Variants in PELI1 observed in about 807,000 individuals in gnomAD.
The protein encoded by PELI1 is pellino E3 ubiquitin protein ligase 1.
Under a neutral mutation model 41.3 loss-of-function variants are expected in PELI1, and 15 were observed. The ratio of observed to expected loss-of-function variants is 0.36; its 90% CI spans 0.24 to 0.56. The LOEUF (loss-of-function observed/expected upper bound fraction) is 0.56, where lower values mean the gene tolerates loss of function less well. Among genes scored for constraint, PELI1 ranks in the 20% least tolerant of loss-of-function variants. PELI1 has a pLI of 0.82. For synonymous variants in PELI1, 178 were observed against 180.1 expected (o/e 0.99, Z 0.09); for missense variants, 403 against 525.5 (o/e 0.77, Z 2.28).
chr2:64,107,225 C>T (rs1023511367), intron 2 of PELI1, among the ~76,000 whole-genome samples: 1 of 152,176 alleles, frequency 6.6e-6, no homozygotes, highest in South Asian at 2.1e-4. Context: ...AGCTACTGCA[C>T]CTGGCCTAAA....
chr2:64,119,898 TA>T (rs199552817), intron 1 of PELI1, among the ~76,000 whole-genome samples: 319 of 151,980 alleles, frequency 2.1e-3, no homozygotes, highest in African/African-American at 7.3e-3. Flanking sequence ...ACACTCCATT[TA>T]AAAAAAACAC....
chr2:64,105,791 C>T (rs1231369769), intron 2 of PELI1, among the ~76,000 whole-genome samples: 3 of 152,150 alleles, frequency 2.0e-5, no homozygotes, highest in Admixed American at 6.5e-5. Context: ...ATTCACCGTC[C>T]ACCTCCCCTG....
At chr2:64,120,823 G>T (rs1681183848) in intron 1 of PELI1, among the ~76,000 whole-genome samples, 1 of 152,166 alleles carries the variant, frequency 6.6e-6, no homozygotes, top group South Asian at 2.1e-4. Context: ...TTTTGGTGGT[G>T]CTAAGTTTAT....
chr2:64,103,284 G>A (rs1243635927), intron 3 of PELI1, among the ~76,000 whole-genome samples: 8 of 152,320 alleles, frequency 5.3e-5, no homozygotes, highest in Admixed American at 1.3e-4. Context: ...GCAGGGATTA[G>A]AAATATTTTC....
At chr2:64,125,716 G>C (rs1340913457) in intron 1 of PELI1, among the ~76,000 whole-genome samples, 1 of 152,190 alleles carries the variant, frequency 6.6e-6, no homozygotes, top group African/African-American at 2.4e-5. Context: ...TAGGTTAACA[G>C]ATGATGATAT....
intron 5 of PELI1, 25 bp from the exon 6 acceptor site, chr2:64,096,338 T>G: frequency 6.2e-7 from 1 of 1,607,196 alleles, no homozygotes; most frequent in Non-Finnish European, 8.5e-7. Context: ...AGCAGTGAGC[T>G]TCCAACTTGT....
intron 1 of PELI1, among the ~76,000 whole-genome samples, chr2:64,110,330 T>C (rs1680771568): frequency 6.7e-6 from 1 of 150,206 alleles, no homozygotes; most frequent in Non-Finnish European, 1.5e-5. Flanking sequence ...ACAATTAGAC[T>C]GACAGTGGAG....
intron 2 of PELI1, among the ~76,000 whole-genome samples, chr2:64,105,791 C>A (rs1231369769): frequency 6.6e-6 from 1 of 152,150 alleles, no homozygotes; most frequent in Non-Finnish European, 1.5e-5. Context: ...ATTCACCGTC[C>A]ACCTCCCCTG....
chr2:64,121,668 G>A (rs908257549), intron 1 of PELI1, among the ~76,000 whole-genome samples: 2 of 152,186 alleles, frequency 1.3e-5, no homozygotes, highest in Admixed American at 1.3e-4. Context: ...CACTTTGGAA[G>A]GCCAAGGCAG....
chr2:64,142,698 G>A (rs900182859), intron 1 of PELI1, among the ~76,000 whole-genome samples: 1 of 152,078 alleles, frequency 6.6e-6, no homozygotes, highest in South Asian at 2.1e-4. Context: ...TAAAGAAAAC[G>A]CATCGTAAAC....
intron 1 of PELI1, among the ~76,000 whole-genome samples, chr2:64,134,824 A>G (rs1174436802): frequency 6.6e-6 from 1 of 152,142 alleles, no homozygotes; most frequent in Non-Finnish European, 1.5e-5. Flanking sequence ...GTTTTGAAAA[A>G]CCAACAAAGC....
At chr2:64,099,335 A>C (rs765747325) in intron 4 of PELI1, among the ~76,000 whole-genome samples, 8 of 152,178 alleles carry the variant, frequency 5.3e-5, no homozygotes, top group Non-Finnish European at 7.3e-5. Context: ...ATTTTAAAAA[A>C]AAGCTAAGCT....
intron 1 of PELI1, among the ~76,000 whole-genome samples, chr2:64,110,772 C>T (rs941979851): frequency 2.0e-5 from 3 of 151,892 alleles, no homozygotes; most frequent in Admixed American, 1.3e-4. Flanking sequence ...ACTAAGAATA[C>T]AAAAATTAGC....
intron 1 of PELI1, among the ~76,000 whole-genome samples, chr2:64,124,394 G>A (rs1681321112): frequency 6.6e-6 from 1 of 152,110 alleles, no homozygotes; most frequent in Non-Finnish European, 1.5e-5. Flanking sequence ...AAGGTTCACT[G>A]GAAGCTGGCA....
At chr2:64,127,882 T>G (rs1441981400) in intron 1 of PELI1, among the ~76,000 whole-genome samples, 1 of 152,092 alleles carries the variant, frequency 6.6e-6, no homozygotes, top group African/African-American at 2.4e-5. Context: ...TCAAATCAAC[T>G]CTCCACCTTA....
chr2:64,100,466 A>C lies in PELI1; in HGVS notation c.235T>G (p.Tyr79Asp). ...ACAGTCTGGGCCCGAGATAAAGTAT[A>C]TGATATGCTATGCTGGTCTTTGTTG... ...ISNKDQHSIS[Y>D]TLSRAQTVVV... The change falls in exon 4 of 7, where the codon TAT becomes GAT. Residue 79 changes from tyrosine (Y) to aspartate (D), a missense_variant. By Grantham distance (160) the Tyr-to-Asp change is radical (BLOSUM62 -3). Coordinates refer to ENST00000358912, the MANE Select transcript of PELI1 (RefSeq NM_020651.4). 6.3e-7 allele frequency: 1 copy of C among 1,585,534 alleles called. No homozygotes were observed.
In PELI1 at chr2:64,094,431, G is replaced by A. The variant is rs1174329521; in HGVS notation, c.*271C>T. 2 of 330,350 alleles carry A rather than the reference G, an allele frequency of 6.1e-6. No individual in the cohort carries two copies. The highest frequency in any genetic ancestry group is 4.5e-5 in the Admixed American group (1 of 22,284). The allele number at this position is 330,350 out of a possible 1,614,324, so 20.5% of individuals were successfully genotyped here. ...GATAGGTGATTCAAAAACACTAAAAGGAAGGCATCAAATTAGACTATGTCT... is the reference window on the plus strand; with the variant it reads ...GATAGGTGATTCAAAAACACTAAAAAGAAGGCATCAAATTAGACTATGTCT... On this transcript the variant is annotated 3_prime_UTR_variant, in exon 7 of 7. Transcript: ENST00000358912.
intron 1 of PELI1, among the ~76,000 whole-genome samples, chr2:64,142,131 T>TA (rs1375608469): frequency 6.6e-6 from 1 of 152,142 alleles, no homozygotes; most frequent in Non-Finnish European, 1.5e-5. Flanking sequence ...AGCTAGGTGA[T>TA]AGTTTCCTCT....
At chr2:64,135,546 A>C (rs1338026883) in intron 1 of PELI1, among the ~76,000 whole-genome samples, 1 of 152,204 alleles carries the variant, frequency 6.6e-6, no homozygotes, top group Non-Finnish European at 1.5e-5. Context: ...GTTGAAGAGC[A>C]ATAGGCATGA....
Sources: allele counts gnomAD v4.1 joint callset (sites outside exome capture counted in the v4.1 genomes callset), GRCh38; gene constraint gnomAD v4.1.1; transcripts MANE v1.5; gene names NCBI Gene and HGNC (gene_info 2026-07-23, HGNC 2026-07-21).